The following UBIAD1 variants were observed in gnomAD, a reference collection of about 807,000 sequenced individuals.
The protein encoded by UBIAD1 is UbiA prenyltransferase domain containing 1.
UBIAD1 carries 12 observed loss-of-function variants against 20.1 expected under a neutral mutation model. The observed-to-expected ratio is 0.60, with a 90% confidence interval of 0.38 to 0.97. The LOEUF (loss-of-function observed/expected upper bound fraction) is 0.97. Ranked by LOEUF, UBIAD1 falls within the 50% of genes least tolerant of loss-of-function variation. The pLI is 0.00. For synonymous variants in UBIAD1, 207 were observed against 189.2 expected (o/e 1.09, Z -0.77); for missense variants, 333 against 419.5 (o/e 0.79, Z 1.80).
At chr1:11,278,842 A>G (rs1002811374) in intron 1 of UBIAD1, 14 of 456,114 alleles carry the variant, frequency 3.1e-5, no homozygotes, top group Non-Finnish European at 4.4e-5. Flanking sequence ...ATTTGGGTCC[A>G]CTTTCTATTT....
chr1:11,288,773 G>C (rs6695465), downstream of UBIAD1, among the ~76,000 whole-genome samples: 7,140 of 152,236 alleles, frequency 0.047, 327 homozygotes, highest in African/African-American at 0.12. Flanking sequence ...TTAGCTGGGC[G>C]TGGTGGTGCA....
chr1:11,289,584 A>T (rs934997931), downstream of UBIAD1, among the ~76,000 whole-genome samples: 67 of 151,914 alleles, frequency 4.4e-4, no homozygotes, highest in African/African-American at 1.6e-3. Flanking sequence ...ATTTTTTTTG[A>T]GACTATGTCT....
chr1:11,290,502 T>C (rs1181762548), downstream of UBIAD1, among the ~76,000 whole-genome samples: 2 of 152,220 alleles, frequency 1.3e-5, no homozygotes, highest in Admixed American at 6.5e-5. Context: ...ACTCTACCTA[T>C]GATAATGCTC....
intron 1 of UBIAD1, among the ~76,000 whole-genome samples, chr1:11,282,095 G>T (rs900456470): frequency 6.6e-6 from 1 of 151,978 alleles, no homozygotes; most frequent in Non-Finnish European, 1.5e-5. Flanking sequence ...ATTTTTCTTG[G>T]GTAAATGCCC....
downstream of UBIAD1, among the ~76,000 whole-genome samples, chr1:11,299,297 T>C (rs958395309): frequency 1.3e-5 from 2 of 152,222 alleles, no homozygotes; most frequent in South Asian, 4.1e-4. Flanking sequence ...TTCTCCGTGC[T>C]TTTCTCACGC....
At chr1:11,299,249 C>T (rs7544123), downstream of UBIAD1, among the ~76,000 whole-genome samples, 191 of 152,350 alleles carry the variant, frequency 1.3e-3, no homozygotes, top group African/African-American at 4.5e-3. Flanking sequence ...AGCCACCAGA[C>T]GCTGGATCCG....
chr1:11,273,419 G>A lies in UBIAD1; in HGVS notation c.-113G>A. 3 of 1,381,074 alleles carry A rather than the reference G, an allele frequency of 2.2e-6. No individual in the cohort carries two copies. Among genetic ancestry groups the A allele is most frequent in the South Asian group, 1.2e-5 (1 of 83,562 alleles). The allele number at this position is 1,381,074 out of a possible 1,614,324, so 85.6% of individuals were successfully genotyped here. A position where few individuals can be genotyped will look rare whatever the true frequency, so the allele number is the denominator to read the frequency against. Reference sequence around the variant, plus strand: ...TGCCGCCACACCAGCCCTGTCCTGGGGCGGAACCGAAGGAAGGTCGGGCCC... The same window carrying A: ...TGCCGCCACACCAGCCCTGTCCTGGAGCGGAACCGAAGGAAGGTCGGGCCC... On this transcript the variant is annotated 5_prime_UTR_variant, in exon 1 of 2. Coordinates refer to ENST00000376810, the MANE Select transcript of UBIAD1 (RefSeq NM_013319.3). The surrounding 1 kb of genome is among the most constrained non-coding windows in gnomAD (Gnocchi z 4.9).
rs535785870 is a variant in UBIAD1 at position 11,285,209 on chromosome 1, A to G, written c.530-435A>G. Among the ~76,000 whole-genome samples, 12 of 152,346 alleles carry G rather than the reference A, an allele frequency of 7.9e-5. No homozygotes were observed. Among genetic ancestry groups the G allele is most frequent in the Non-Finnish European group, 5.9e-5 (4 of 68,038 alleles). On this transcript the variant is annotated intron_variant, in intron 1 of 1. Coordinates refer to ENST00000376810, the MANE Select transcript of UBIAD1 (RefSeq NM_013319.3). This position sits in a 1 kb window ranked among gnomAD's most constrained non-coding sequence, Gnocchi z 4.4. ...TTGTAGGGGAAGGAGGTGGAAAAGTAGAAGGCCAGAGTGGCTATTCTGTGA... is the reference window on the plus strand; with the variant it reads ...TTGTAGGGGAAGGAGGTGGAAAAGTGGAAGGCCAGAGTGGCTATTCTGTGA...
rs952572976 is a variant in UBIAD1, at chr1:11,274,177, T to C, written c.529+117T>C. 7.0e-6 allele frequency: 9 copies of C among 1,283,682 alleles called. No individual in the cohort carries two copies. The African/African-American group carries it at 1.3e-4, about 19-fold the overall frequency. The allele number at this position is 1,283,682 out of a possible 1,614,324, so 79.5% of individuals were successfully genotyped here. A position where few individuals can be genotyped will look rare whatever the true frequency, so the allele number is the denominator to read the frequency against. The stretch of plus-strand genomic sequence containing the variant: ...GGCTTTCTAATTTAAGCCGCTTTAA[T>C]TGAAGTCTATAATTGTGGGTGATGT... On this transcript the variant is annotated intron_variant, in intron 1 of 1. Coordinates refer to ENST00000376810, the MANE Select transcript of UBIAD1 (RefSeq NM_013319.3).
At chr1:11,284,662 C>T (rs897810652) in intron 1 of UBIAD1, among the ~76,000 whole-genome samples, 3 of 152,138 alleles carry the variant, frequency 2.0e-5, no homozygotes, top group African/African-American at 7.2e-5. Context: ...TGGGGTTTCA[C>T]CCTGTTGGCC....
chr1:11,299,444 G>A (rs1638497795), downstream of UBIAD1, among the ~76,000 whole-genome samples: 1 of 152,196 alleles, frequency 6.6e-6, no homozygotes, highest in African/African-American at 2.4e-5. Context: ...AACTCTAAAA[G>A]CAGCACTCAT....
downstream of UBIAD1, among the ~76,000 whole-genome samples, chr1:11,296,895 G>A (rs1203998116): frequency 2.0e-5 from 3 of 151,952 alleles, no homozygotes. Flanking sequence ...CCAAGGCAGA[G>A]GGCCCATGGC....
chr1:11,280,204 G>A (rs1652195800), intron 1 of UBIAD1, among the ~76,000 whole-genome samples: 2 of 152,302 alleles, frequency 1.3e-5, no homozygotes, highest in South Asian at 4.1e-4. Context: ...CAGGGCTGAA[G>A]GACCACTAAG....
intron 1 of UBIAD1, among the ~76,000 whole-genome samples, chr1:11,282,014 G>A (rs1652257311): frequency 6.6e-6 from 1 of 152,028 alleles, no homozygotes; most frequent in Non-Finnish European, 1.5e-5. Flanking sequence ...AGGGACATTT[G>A]GATTGCTTCC....
chr1:11,290,245 C>G (rs1214519509), downstream of UBIAD1, among the ~76,000 whole-genome samples: 2 of 152,190 alleles, frequency 1.3e-5, no homozygotes, highest in Non-Finnish European at 2.9e-5. Context: ...CTCTTGAGCA[C>G]CCTCCCAAAT....
chr1:11,282,972 T>G (rs1244125483), intron 1 of UBIAD1, among the ~76,000 whole-genome samples: 11 of 151,944 alleles, frequency 7.2e-5, no homozygotes, highest in Non-Finnish European at 1.6e-4. Flanking sequence ...GCGGTTCTTC[T>G]GCCTCAGCCT....
intron 1 of UBIAD1, among the ~76,000 whole-genome samples, chr1:11,282,724 G>A (rs1652283416): frequency 6.6e-6 from 1 of 151,434 alleles, no homozygotes; most frequent in Non-Finnish European, 1.5e-5. Flanking sequence ...CACCATGCCC[G>A]GCTAATTTTT....
rs1431820362 is a variant in UBIAD1 at position 11,285,843 on chromosome 1, T to G, written c.729T>G (p.Ala243=). ...NTRDMESDRE[A]GIVTLAILIG... Reference sequence around the variant, plus strand: ...GGGACATGGAGTCCGACCGGGAGGCTGGTATCGTCACGCTGGCCATCCTCA... The same window carrying G: ...GGGACATGGAGTCCGACCGGGAGGCGGGTATCGTCACGCTGGCCATCCTCA... Residue 243 remains alanine (A), a synonymous_variant, in exon 2 of 2, where the codon GCT becomes GCG. Coordinates refer to ENST00000376810, the MANE Select transcript of UBIAD1 (RefSeq NM_013319.3). This position sits in a 1 kb window ranked among gnomAD's most constrained non-coding sequence, Gnocchi z 4.4. The G allele has an allele frequency of 6.2e-7, 1 of 1,614,070 alleles. No homozygotes were observed. Among genetic ancestry groups the G allele is most frequent in the Non-Finnish European group, 8.5e-7 (1 of 1,180,036 alleles).
downstream of UBIAD1, among the ~76,000 whole-genome samples, chr1:11,296,870 T>C (rs1257927705): frequency 2.2e-5 from 1 of 45,194 alleles, no homozygotes; most frequent in Non-Finnish European, 3.9e-5. Flanking sequence ...TTTTGTGTAA[T>C]CTTAGACTTT....
Sources: gnomAD v4.1 joint callset for allele counts (sites outside exome capture counted in the v4.1 genomes callset) on GRCh38, gnomAD v4.1.1 for gene constraint, Gnocchi (gnomAD v3.1) non-coding constraint, MANE v1.5 for transcripts, NCBI Gene and HGNC (gene_info 2026-07-23, HGNC 2026-07-21) for gene names.